KCNQ5: variants seen among roughly 807,000 people sequenced by gnomAD.
The protein encoded by KCNQ5 is potassium voltage-gated channel subfamily Q member 5.
A neutral mutation model predicts 98.2 loss-of-function variants in KCNQ5; 30 were observed. The ratio of observed to expected loss-of-function variants is 0.31; its 90% CI spans 0.23 to 0.41. The LOEUF (loss-of-function observed/expected upper bound fraction) is 0.41, where lower values mean the gene tolerates loss of function less well. Ranked by LOEUF, KCNQ5 falls within the 10% of genes least tolerant of loss-of-function variation. The pLI, the probability that KCNQ5 is intolerant of heterozygous loss-of-function variation, is 1.00. For missense variants in KCNQ5, 835 were observed against 1,182.5 expected (o/e 0.71, Z 4.31); for synonymous variants, 458 against 449.4 (o/e 1.02, Z -0.24).
At chr6:72,807,762 C>A (rs1469595705) in intron 1 of KCNQ5, among the ~76,000 whole-genome samples, 3 of 152,156 alleles carry the variant, frequency 2.0e-5, no homozygotes, top group African/African-American at 7.2e-5. Context: ...AATCCTCCCA[C>A]CTAGGCCTCC....
intron 10 of KCNQ5, among the ~76,000 whole-genome samples, chr6:73,158,328 C>A (rs1405335693): frequency 2.7e-5 from 4 of 147,440 alleles, no homozygotes; most frequent in African/African-American, 7.4e-5. Context: ...GGTGCAATGG[C>A]GCGATCTCGG....
chr6:72,683,529 G>A (rs751877605), intron 1 of KCNQ5, among the ~76,000 whole-genome samples: 11 of 151,828 alleles, frequency 7.2e-5, no homozygotes, highest in African/African-American at 2.4e-4. Flanking sequence ...CACCACACCC[G>A]GCTAATTTTT....
At chr6:72,775,009 C>T (rs1323098950) in intron 1 of KCNQ5, among the ~76,000 whole-genome samples, 17 of 152,100 alleles carry the variant, frequency 1.1e-4, no homozygotes, top group Admixed American at 1.1e-3. Flanking sequence ...AGACATATAC[C>T]TGAATGTCCA....
chr6:73,185,035 TC>T (rs1286595770), intron 11 of KCNQ5, among the ~76,000 whole-genome samples: 7 of 152,286 alleles, frequency 4.6e-5, no homozygotes, highest in African/African-American at 1.7e-4. Flanking sequence ...GAAGACATAA[TC>T]CCTGCATTCA....
chr6:72,870,925 A>G (rs1378679468), intron 1 of KCNQ5, among the ~76,000 whole-genome samples: 1 of 152,162 alleles, frequency 6.6e-6, no homozygotes, highest in African/African-American at 2.4e-5. Flanking sequence ...CTGCTGCTTC[A>G]GTTTTCTTGT....
chr6:73,132,756 C>G (rs1776285738), intron 9 of KCNQ5, among the ~76,000 whole-genome samples: 1 of 152,214 alleles, frequency 6.6e-6, no homozygotes, highest in Non-Finnish European at 1.5e-5. Flanking sequence ...AACATAACAT[C>G]TCATTCTCTT....
intron 1 of KCNQ5, among the ~76,000 whole-genome samples, chr6:72,960,212 C>A (rs1406555680): frequency 6.6e-6 from 1 of 152,156 alleles, no homozygotes; most frequent in Non-Finnish European, 1.5e-5. Flanking sequence ...ATCACAGTAT[C>A]ACTAGCACAA....
intron 1 of KCNQ5, among the ~76,000 whole-genome samples, chr6:72,736,281 T>C (rs560888510): frequency 6.6e-6 from 1 of 152,210 alleles, no homozygotes; most frequent in African/African-American, 2.4e-5. Flanking sequence ...TTAGCAGTGT[T>C]ATGTATGATA....
At chr6:72,733,003 A>C (rs185227680) in intron 1 of KCNQ5, among the ~76,000 whole-genome samples, 22 of 152,276 alleles carry the variant, frequency 1.4e-4, no homozygotes, top group Admixed American at 1.4e-3. Flanking sequence ...ACAGGAAGGA[A>C]AGTAGATTTT....
chr6:72,904,295 T>G (rs1385523321), intron 1 of KCNQ5, among the ~76,000 whole-genome samples: 1 of 152,166 alleles, frequency 6.6e-6, no homozygotes, highest in Non-Finnish European at 1.5e-5. Flanking sequence ...GTTGGTGAAT[T>G]CTTATCCATG....
At chr6:72,738,033 T>C (rs533775868) in intron 1 of KCNQ5, among the ~76,000 whole-genome samples, 17,061 of 152,050 alleles carry the variant, frequency 0.11, 1,004 homozygotes, top group South Asian at 0.18. Context: ...CGGGCGCCTG[T>C]AGTTCCAACT....
intron 10 of KCNQ5, among the ~76,000 whole-genome samples, chr6:73,160,202 G>A (rs951964517): frequency 1.7e-4 from 26 of 151,652 alleles, no homozygotes; most frequent in Non-Finnish European, 3.7e-4. Context: ...ATTTTTAGTA[G>A]AGACGGGGTT....
intron 1 of KCNQ5, among the ~76,000 whole-genome samples, chr6:72,829,843 C>A (rs556192845): frequency 6.6e-6 from 1 of 152,102 alleles, no homozygotes; most frequent in Non-Finnish European, 1.5e-5. Flanking sequence ...GAAAGTGGAA[C>A]TAAAGACTTG....
chr6:72,814,322 G>A (rs1775393206), intron 1 of KCNQ5, among the ~76,000 whole-genome samples: 1 of 152,192 alleles, frequency 6.6e-6, no homozygotes, highest in Non-Finnish European at 1.5e-5. Flanking sequence ...CTGGCTTCAA[G>A]TCGTCACTCT....
At chr6:73,145,520 C>T (rs1776886376) in intron 10 of KCNQ5, among the ~76,000 whole-genome samples, 1 of 152,108 alleles carries the variant, frequency 6.6e-6, no homozygotes, top group Non-Finnish European at 1.5e-5. Context: ...CAATTTATTC[C>T]CTTTATCATT....
intron 6 of KCNQ5, among the ~76,000 whole-genome samples, chr6:73,106,479 C>A (rs1328751527): frequency 6.6e-6 from 1 of 152,144 alleles, no homozygotes; most frequent in Non-Finnish European, 1.5e-5. Flanking sequence ...CAAGACTGGA[C>A]GTCCAAAATC....
chr6:73,008,343 A>G (rs1239639712), intron 2 of KCNQ5, among the ~76,000 whole-genome samples: 1 of 152,296 alleles, frequency 6.6e-6, no homozygotes, highest in Middle Eastern at 3.4e-3. Context: ...ACATCATTCA[A>G]CTGTGTATAT....
intron 1 of KCNQ5, among the ~76,000 whole-genome samples, chr6:72,775,294 A>G (rs1387048435): frequency 6.6e-6 from 1 of 152,234 alleles, no homozygotes; most frequent in East Asian, 1.9e-4. Flanking sequence ...AGAAGCCAGA[A>G]GCAAATGAAC....
At chr6:73,158,602 T>G (rs1474111533) in intron 10 of KCNQ5, among the ~76,000 whole-genome samples, 1 of 152,142 alleles carries the variant, frequency 6.6e-6, no homozygotes, top group Non-Finnish European at 1.5e-5. Flanking sequence ...TTTCCTATTT[T>G]TCAAATACTT....
Sources: allele counts gnomAD v4.1 joint callset (sites outside exome capture counted in the v4.1 genomes callset), GRCh38; gene constraint gnomAD v4.1.1; transcripts MANE v1.5; gene names NCBI Gene and HGNC (gene_info 2026-07-23, HGNC 2026-07-21).